Variants in CTNNA3 observed in about 807,000 individuals in gnomAD.
CTNNA3 encodes catenin alpha-3.
In CTNNA3, 76 loss-of-function variants were observed where a neutral mutation model predicts 95.7. The ratio of observed to expected loss-of-function variants is 0.79; its 90% CI spans 0.66 to 0.96. The LOEUF (loss-of-function observed/expected upper bound fraction) is 0.96. Among genes scored for constraint, CTNNA3 ranks in the 40% least tolerant of loss-of-function variants. CTNNA3 has a pLI of 0.00. For synonymous variants in CTNNA3, 431 were observed against 374.4 expected (o/e 1.15, Z -1.74); for missense variants, 1,191 against 1,089.8 (o/e 1.09, Z -1.31).
At chr10:66,437,985 G>C (rs543989076) in intron 11 of CTNNA3, among the ~76,000 whole-genome samples, 90 of 152,260 alleles carry the variant, frequency 5.9e-4, no homozygotes, top group African/African-American at 2.1e-3. Flanking sequence ...GAGTTTGCTG[G>C]AGGTCCACTC....
intron 13 of CTNNA3, among the ~76,000 whole-genome samples, chr10:66,104,424 G>A (rs2081798287): frequency 1.3e-5 from 2 of 152,166 alleles, no homozygotes; most frequent in African/African-American, 4.8e-5. Context: ...TTGTTTTAGT[G>A]CACAAGGTCT....
chr10:66,443,092 C>G (rs1051207877), intron 11 of CTNNA3, among the ~76,000 whole-genome samples: 3 of 152,100 alleles, frequency 2.0e-5, no homozygotes, highest in African/African-American at 7.2e-5. Flanking sequence ...ACTGCAAGGC[C>G]ACAGGGAGGC....
At chr10:66,450,201 C>T (rs1051980496) in intron 11 of CTNNA3, among the ~76,000 whole-genome samples, 4 of 152,018 alleles carry the variant, frequency 2.6e-5, no homozygotes, top group Non-Finnish European at 4.4e-5. Flanking sequence ...TTTTTAGAAA[C>T]TCATGTAATT....
At chr10:66,815,547 T>C (rs962729820) in intron 7 of CTNNA3, among the ~76,000 whole-genome samples, 1 of 152,190 alleles carries the variant, frequency 6.6e-6, no homozygotes, top group Admixed American at 6.5e-5. Context: ...ATCTTTCATA[T>C]TCAAATATTC....
chr10:67,050,564 T>G (rs994461027), intron 7 of CTNNA3, among the ~76,000 whole-genome samples: 5 of 152,176 alleles, frequency 3.3e-5, no homozygotes, highest in African/African-American at 1.2e-4. Flanking sequence ...TAAGACCACC[T>G]TCCCTCTGTA....
At chr10:66,021,337 ATCC>A (rs1470335072) in intron 15 of CTNNA3, among the ~76,000 whole-genome samples, 5 of 152,294 alleles carry the variant, frequency 3.3e-5, no homozygotes, top group Admixed American at 2.6e-4. Context: ...AGCAATCCAC[ATCC>A]TCATGTCTTA....
intron 7 of CTNNA3, among the ~76,000 whole-genome samples, chr10:67,011,384 A>C (rs1007907794): frequency 1.3e-5 from 2 of 151,678 alleles, no homozygotes; most frequent in African/African-American, 4.8e-5. Context: ...TTAATAATAA[A>C]CTATTCAGAA....
chr10:66,826,434 G>T (rs1026718882), intron 7 of CTNNA3, among the ~76,000 whole-genome samples: 2 of 152,196 alleles, frequency 1.3e-5, no homozygotes, highest in Admixed American at 1.3e-4. Flanking sequence ...ACACCATCAC[G>T]TCTGGCTAAT....
chr10:67,589,477 T>G (rs186570623), intron 3 of CTNNA3, among the ~76,000 whole-genome samples: 27 of 152,256 alleles, frequency 1.8e-4, no homozygotes, highest in Non-Finnish European at 3.7e-4. Flanking sequence ...AAATAGTTTC[T>G]TTTGTGATCC....
chr10:65,990,860 C>T (rs897243735), intron 15 of CTNNA3, among the ~76,000 whole-genome samples: 5 of 151,840 alleles, frequency 3.3e-5, no homozygotes, highest in Non-Finnish European at 5.9e-5. Context: ...TGAAGCATTT[C>T]CCCAATGTTT....
chr10:65,975,589 A>C (rs549595015), intron 16 of CTNNA3, among the ~76,000 whole-genome samples: 64 of 152,274 alleles, frequency 4.2e-4, no homozygotes, highest in Non-Finnish European at 5.9e-5. Flanking sequence ...AAAACGATGA[A>C]AAACAAGTCA....
At chr10:66,757,306 A>AAAC (rs1839401626) in intron 9 of CTNNA3, among the ~76,000 whole-genome samples, 1 of 152,166 alleles carries the variant, frequency 6.6e-6, no homozygotes, top group Non-Finnish European at 1.5e-5. Context: ...GATTAGGAAG[A>AAAC]ATATTCATAA....
intron 16 of CTNNA3, among the ~76,000 whole-genome samples, chr10:65,982,166 T>A: frequency 6.8e-6 from 1 of 146,986 alleles, no homozygotes; most frequent in Non-Finnish European, 1.5e-5. Context: ...AAAAATCCCA[T>A]CAAAAAGTGG....
chr10:67,159,073 C>G (rs541799314), intron 7 of CTNNA3, among the ~76,000 whole-genome samples: 1 of 152,308 alleles, frequency 6.6e-6, no homozygotes, highest in Admixed American at 6.5e-5. Context: ...AGTTAAAAAT[C>G]AACTCATAAC....
At chr10:67,636,248 CA>C (rs1342294862) in intron 2 of CTNNA3, among the ~76,000 whole-genome samples, 2 of 152,080 alleles carry the variant, frequency 1.3e-5, no homozygotes, top group African/African-American at 4.8e-5. Context: ...CTGCCCAAAG[CA>C]ATTTATAGAT....
chr10:67,566,058 T>TATATATATATATATATAC lies in CTNNA3; in HGVS notation c.293-26390_293-26389insGTATATATATATATATAT, dbSNP rs1418561699. On this transcript the variant is annotated intron_variant, in intron 3 of 17. Coordinates refer to ENST00000433211, the MANE Select transcript of CTNNA3 (RefSeq NM_013266.4). Reference sequence around the variant, plus strand: ...ATGTGTGTGTGTATATATATATATATATATATATATATATACAAAACCTAG... The same window carrying TATATATATATATATATAC: ...ATGTGTGTGTGTATATATATATATATATATATATATATATATACATATATATATATATACAAAACCTAG... 3.5e-5 allele frequency among the ~76,000 whole-genome samples: 3 copies of TATATATATATATATATAC among 85,584 alleles called. No individual in the cohort carries two copies. In the East Asian group the frequency reaches 2.6e-3, roughly 74 times the overall value. The allele number at this position is 85,584 out of a possible 152,430, so 56.1% of individuals were successfully genotyped here. A position where few individuals can be genotyped will look rare whatever the true frequency, so the allele number is the denominator to read the frequency against.
intron 11 of CTNNA3, among the ~76,000 whole-genome samples, chr10:66,518,254 G>C (rs1248961586): frequency 6.6e-6 from 1 of 152,060 alleles, no homozygotes; most frequent in Non-Finnish European, 1.5e-5. Context: ...CCTGCTTTAA[G>C]GACCTACAAT....
chr10:67,272,613 C>G (rs1032876122), intron 5 of CTNNA3, among the ~76,000 whole-genome samples: 7 of 152,028 alleles, frequency 4.6e-5, no homozygotes, highest in African/African-American at 1.7e-4. Context: ...AAAGTTAATA[C>G]TTTATTAATT....
chr10:67,344,495 G>T (rs1564582185), intron 5 of CTNNA3, among the ~76,000 whole-genome samples: 1 of 151,976 alleles, frequency 6.6e-6, no homozygotes, highest in Non-Finnish European at 1.5e-5. Flanking sequence ...TCTTTACTAG[G>T]AGACTTTTAC....
Sources: gnomAD v4.1 joint callset for allele counts (sites outside exome capture counted in the v4.1 genomes callset) on GRCh38, gnomAD v4.1.1 for gene constraint, MANE v1.5 for transcripts, NCBI Gene and HGNC (gene_info 2026-07-23, HGNC 2026-07-21) for gene names.